Variants in SNTG1 observed in about 807,000 individuals in gnomAD.
SNTG1 encodes syntrophin gamma 1.
In SNTG1, 39 loss-of-function variants were observed where a neutral mutation model predicts 74.7. The observed-to-expected ratio is 0.52, with a 90% CI of 0.40 to 0.68. The LOEUF (loss-of-function observed/expected upper bound fraction) is 0.68, where lower values mean the gene tolerates loss of function less well. Among genes scored for constraint, SNTG1 ranks in the 30% least tolerant of loss-of-function variants. The pLI is 0.00. For missense variants in SNTG1, 685 were observed against 609.5 expected (o/e 1.12, Z -1.30); for synonymous variants, 254 against 217.1 (o/e 1.17, Z -1.49).
chr8:50,274,302 G>A (rs2087966086), intron 2 of SNTG1, among the ~76,000 whole-genome samples: 1 of 151,916 alleles, frequency 6.6e-6, no homozygotes, highest in African/African-American at 2.4e-5. Context: ...GGCCAGGCTG[G>A]TCTCAAACTC....
intron 18 of SNTG1, among the ~76,000 whole-genome samples, chr8:50,781,610 G>T (rs779087335): frequency 3.0e-4 from 45 of 152,156 alleles, no homozygotes; most frequent in Admixed American, 8.5e-4. Context: ...CTGCATGTGA[G>T]ATGGGTTTCC....
At chr8:50,487,698 G>GGC (rs2093810436) in intron 8 of SNTG1, among the ~76,000 whole-genome samples, 3 of 150,004 alleles carry the variant, frequency 2.0e-5, no homozygotes, top group African/African-American at 7.5e-5. Context: ...GGGGTCGGAG[G>GGC]GGGGGGAGGG....
At chr8:50,689,234 G>A (rs560740511) in intron 15 of SNTG1, among the ~76,000 whole-genome samples, 20 of 152,094 alleles carry the variant, frequency 1.3e-4, no homozygotes, top group Non-Finnish European at 2.6e-4. Context: ...TAATTGAATA[G>A]CCTTTATTTT....
At chr8:50,280,985 C>CAAAAAAAAAAAAAAAAAAAAAAAAAA (rs35973666) in intron 2 of SNTG1, among the ~76,000 whole-genome samples, 2 of 75,464 alleles carry the variant, frequency 2.7e-5, no homozygotes, top group Non-Finnish European at 5.2e-5. Context: ...AACCCAGTCT[C>CAAAAAAAAAAAAAAAAAAAAAAAAAA]AAAAAAAAAA....
chr8:50,549,025 T>A (rs953800304), intron 11 of SNTG1, among the ~76,000 whole-genome samples: 18 of 152,122 alleles, frequency 1.2e-4, no homozygotes, highest in African/African-American at 4.1e-4. Context: ...TAGATGGGCA[T>A]CTCAGACAAA....
intron 2 of SNTG1, among the ~76,000 whole-genome samples, chr8:50,247,056 T>G (rs753564127): frequency 5.9e-5 from 9 of 152,202 alleles, no homozygotes; most frequent in Non-Finnish European, 1.2e-4. Context: ...TACCTTTAAT[T>G]TTTCCATCAG....
intron 8 of SNTG1, among the ~76,000 whole-genome samples, chr8:50,470,975 T>C (rs886674102): frequency 3.9e-5 from 6 of 152,144 alleles, no homozygotes; most frequent in Admixed American, 2.6e-4. Context: ...AGAGTGCTGA[T>C]TGGTGCATTT....
intron 8 of SNTG1, among the ~76,000 whole-genome samples, chr8:50,464,417 C>T (rs942260879): frequency 2.0e-5 from 3 of 152,100 alleles, no homozygotes; most frequent in African/African-American, 7.2e-5. Context: ...TGAACACTTA[C>T]AGGCCATGAC....
At chr8:50,349,757 G>T (rs900421264) in intron 2 of SNTG1, among the ~76,000 whole-genome samples, 6 of 152,124 alleles carry the variant, frequency 3.9e-5, no homozygotes, top group African/African-American at 1.4e-4. Flanking sequence ...CAGTGTGCTG[G>T]CAGCCCTCGC....
chr8:50,115,576 A>AAAAAAAAAAAAAAAAAAAACC (rs1482375164), intron 1 of SNTG1, among the ~76,000 whole-genome samples: 1 of 82,908 alleles, frequency 1.2e-5, no homozygotes, highest in Admixed American at 1.8e-4. Context: ...TCAAAAAAAA[A>AAAAAAAAAAAAAAAAAAAACC]AAAAAAAAAA....
At chr8:50,500,098 T>C (rs1179564763) in intron 8 of SNTG1, among the ~76,000 whole-genome samples, 2 of 152,092 alleles carry the variant, frequency 1.3e-5, no homozygotes, top group African/African-American at 4.8e-5. Context: ...CTCATGTCTG[T>C]CATCCAATTG....
intron 4 of SNTG1, among the ~76,000 whole-genome samples, chr8:50,418,831 A>T (rs1437689183): frequency 6.6e-6 from 1 of 152,122 alleles, no homozygotes; most frequent in Non-Finnish European, 1.5e-5. Context: ...GAATCCCTGG[A>T]ATCTCTCATT....
chr8:50,056,596 G>A (rs981922096), intron 1 of SNTG1, among the ~76,000 whole-genome samples: 1 of 152,116 alleles, frequency 6.6e-6, no homozygotes, highest in Non-Finnish European at 1.5e-5. Flanking sequence ...ACACAAAGCA[G>A]GTTTCTTAAT....
At chr8:50,389,892 G>T (rs1490073903) in intron 2 of SNTG1, among the ~76,000 whole-genome samples, 9 of 152,212 alleles carry the variant, frequency 5.9e-5, no homozygotes, top group Admixed American at 5.9e-4. Flanking sequence ...CTTTTGAGAA[G>T]CATCTGTTCA....
intron 15 of SNTG1, among the ~76,000 whole-genome samples, chr8:50,698,741 C>CT (rs2095413519): frequency 1.3e-5 from 2 of 152,122 alleles, no homozygotes; most frequent in Non-Finnish European, 2.9e-5. Flanking sequence ...GCATGGGACA[C>CT]TTCCCAGAGC....
chr8:50,005,227 A>T (rs890197097), intron 1 of SNTG1, among the ~76,000 whole-genome samples: 14 of 152,156 alleles, frequency 9.2e-5, no homozygotes, highest in African/African-American at 3.4e-4. Context: ...GAAAACAAGG[A>T]AAACAGAGCA....
chr8:50,502,810 G>A lies in SNTG1; in HGVS notation c.396G>A (p.Val132=), dbSNP rs1383201749. The A allele has an allele frequency of 6.2e-7, 1 of 1,613,076 alleles. No homozygotes were observed. Among genetic ancestry groups the A allele is most frequent in the Non-Finnish European group, 8.5e-7 (1 of 1,179,408 alleles). Residue 132 remains valine (V), a synonymous_variant, in exon 9 of 19, where the codon GTG becomes GTA. Transcript: ENST00000642720. ...TTCTTCGGAATGCTGGAGAAGAAGT[G>A]ACTCTAACAGTGTCATTTTTAAAAA... ...VQVLRNAGEE[V]TLTVSFLKRA...
intron 1 of SNTG1, among the ~76,000 whole-genome samples, chr8:49,969,422 ACT>A (rs1811452780): frequency 9.5e-6 from 1 of 104,756 alleles, no homozygotes; most frequent in African/African-American, 4.0e-5. Context: ...TTTGAAATGG[ACT>A]CTCTCTCTGT....
At chr8:50,368,246 T>A (rs2092172334) in intron 2 of SNTG1, among the ~76,000 whole-genome samples, 1 of 152,182 alleles carries the variant, frequency 6.6e-6, no homozygotes, top group Non-Finnish European at 1.5e-5. Context: ...TTGGTTGCAT[T>A]TTGTTCCAAT....
Sources: allele counts gnomAD v4.1 joint callset (sites outside exome capture counted in the v4.1 genomes callset), GRCh38; gene constraint gnomAD v4.1.1; transcripts MANE v1.5; gene names NCBI Gene and HGNC (gene_info 2026-07-23, HGNC 2026-07-21).